The following GNAQ variants were observed in gnomAD, a reference collection of about 807,000 sequenced individuals.
The protein encoded by GNAQ is guanine nucleotide-binding protein G(q) subunit alpha.
In GNAQ, 8 loss-of-function variants were observed where a neutral mutation model predicts 43.9. The observed-to-expected ratio is 0.18, with a 90% CI of 0.11 to 0.33. The LOEUF is 0.33. GNAQ is among the 10% of genes least tolerant of loss of function. The pLI, the probability that GNAQ is intolerant of heterozygous loss-of-function variation, is 1.00. For synonymous variants in GNAQ, 155 were observed against 170.7 expected (o/e 0.91, Z 0.71); for missense variants, 158 against 450.8 (o/e 0.35, Z 5.88).
At chr9:77,876,473 G>C (rs905211085) in intron 2 of GNAQ, among the ~76,000 whole-genome samples, 5 of 152,220 alleles carry the variant, frequency 3.3e-5, no homozygotes, top group Admixed American at 1.3e-4. Context: ...AATGTACATA[G>C]AGCACTTGGC....
At chr9:77,981,167 G>A (rs143143820) in intron 1 of GNAQ, among the ~76,000 whole-genome samples, 162 of 152,002 alleles carry the variant, frequency 1.1e-3, no homozygotes, top group African/African-American at 3.8e-3. Flanking sequence ...TTATTTAATT[G>A]GCCTTTCCCT....
At chr9:77,861,618 C>T (rs1827853062) in intron 2 of GNAQ, among the ~76,000 whole-genome samples, 2 of 152,154 alleles carry the variant, frequency 1.3e-5, no homozygotes, top group South Asian at 4.1e-4. Flanking sequence ...ACAGGCCCCA[C>T]ACAAGTCCAA....
At chr9:77,890,691 C>A (rs1828391397) in intron 2 of GNAQ, among the ~76,000 whole-genome samples, 1 of 152,210 alleles carries the variant, frequency 6.6e-6, no homozygotes, top group South Asian at 2.1e-4. Flanking sequence ...CCATTGCACT[C>A]CAGGCTGGGC....
At chr9:77,747,344 G>C (rs1234812700) in intron 5 of GNAQ, among the ~76,000 whole-genome samples, 1 of 152,122 alleles carries the variant, frequency 6.6e-6, no homozygotes, top group Non-Finnish European at 1.5e-5. Context: ...AAATGTCACA[G>C]AGAAAACCAG....
intron 2 of GNAQ, among the ~76,000 whole-genome samples, chr9:77,818,207 G>A (rs1587930564): frequency 6.6e-6 from 1 of 152,134 alleles, no homozygotes; most frequent in Middle Eastern, 3.4e-3. Context: ...CCTTCACCTA[G>A]GTTGGAATTT....
chr9:77,785,643 G>A (rs1826465048), intron 5 of GNAQ, among the ~76,000 whole-genome samples: 1 of 152,110 alleles, frequency 6.6e-6, no homozygotes, highest in South Asian at 2.1e-4. Context: ...ACATGTATAT[G>A]CCAATAAAAA....
rs1168333306 is a variant in GNAQ at position 77,719,935 on chromosome 9, A to C, written c.*1388T>G. 4.3e-6 allele frequency: 1 copy of C among 232,326 alleles called. No individual in the cohort carries two copies. The highest frequency in any genetic ancestry group is 8.5e-6 in the Non-Finnish European group (1 of 117,572). The allele number at this position is 232,326 out of a possible 1,614,324, so 14.4% of individuals were successfully genotyped here. A position where few individuals can be genotyped will look rare whatever the true frequency, so the allele number is the denominator to read the frequency against. On this transcript the variant is annotated 3_prime_UTR_variant, in exon 7 of 7. Transcript: ENST00000286548. Reference sequence around the variant, plus strand: ...AAGGTGGTAAACTAGCAGGAACTTCAGATTTTGGAAATTAAAGGTGTCGGA... The same window carrying C: ...AAGGTGGTAAACTAGCAGGAACTTCCGATTTTGGAAATTAAAGGTGTCGGA...
chr9:77,982,419 G>A (rs904589721), intron 1 of GNAQ, among the ~76,000 whole-genome samples: 2 of 152,136 alleles, frequency 1.3e-5, no homozygotes, highest in African/African-American at 4.8e-5. Context: ...TGGGAATAAT[G>A]TTATAGGCTT....
intron 2 of GNAQ, among the ~76,000 whole-genome samples, chr9:77,835,977 G>A (rs535256380): frequency 8.5e-5 from 13 of 152,208 alleles, no homozygotes; most frequent in Non-Finnish European, 1.8e-4. Flanking sequence ...AGGCTTTCTA[G>A]TAAGATGATT....
chr9:77,909,016 T>C (rs749773053), intron 2 of GNAQ, among the ~76,000 whole-genome samples: 2 of 152,324 alleles, frequency 1.3e-5, no homozygotes, highest in East Asian at 3.9e-4. Context: ...CTTCTGTGCA[T>C]ATGAGAATAA....
At chr9:77,793,640 C>A (rs1235055288) in intron 5 of GNAQ, among the ~76,000 whole-genome samples, 1 of 152,060 alleles carries the variant, frequency 6.6e-6, no homozygotes, top group African/African-American at 2.4e-5. Flanking sequence ...TTATTATTAA[C>A]CTACCACACT....
chr9:77,736,514 T>A (rs1463917118), intron 5 of GNAQ, among the ~76,000 whole-genome samples: 1 of 152,192 alleles, frequency 6.6e-6, no homozygotes, highest in Non-Finnish European at 1.5e-5. Context: ...ATGTTATAGT[T>A]TCTGCATATG....
At chr9:77,930,674 A>C (rs1026195010) in intron 1 of GNAQ, among the ~76,000 whole-genome samples, 1 of 152,196 alleles carries the variant, frequency 6.6e-6, no homozygotes, top group African/African-American at 2.4e-5. Context: ...TTACTAAAAA[A>C]CTTTTTCTCA....
Position 77,721,531 on chromosome 9 carries a change from A to G in GNAQ, c.890-18T>C, listed in dbSNP as rs1825313076. The G allele has an allele frequency of 1.3e-6, 2 of 1,511,282 alleles. No homozygotes were observed. Among genetic ancestry groups the G allele is most frequent in the African/African-American group, 1.4e-5 (1 of 72,496 alleles). 93.6% of individuals were successfully genotyped at this position (1,511,282 alleles called of 1,614,324 possible). A position where few individuals can be genotyped will look rare whatever the true frequency, so the allele number is the denominator to read the frequency against. ...CTGGGGTCCTTTCGGCCAAGAGACA[A>G]GAGGGACACTTTGTTACCTAATCTG... On this transcript the variant is annotated intron_variant, in intron 6 of 6. Transcript: ENST00000286548.
chr9:78,003,635 C>A (rs1443116412), intron 1 of GNAQ, among the ~76,000 whole-genome samples: 4 of 151,904 alleles, frequency 2.6e-5, no homozygotes. Context: ...GGCAACATGG[C>A]GAAACCCCTT....
rs1303380697 is a variant in GNAQ at position 77,720,975 on chromosome 9, T to C, written c.*348A>G. ...GGGGAAGAAAAAAGGGAAATCAGCT[T>C]TGTTTTGCTCCATAGAAAAGAAAAA... On this transcript the variant is annotated 3_prime_UTR_variant, in exon 7 of 7. Coordinates refer to ENST00000286548, the MANE Select transcript of GNAQ (RefSeq NM_002072.5). 7.9e-6 allele frequency: 2 copies of C among 252,460 alleles called. No homozygotes were observed. Among genetic ancestry groups the C allele is most frequent in the Admixed American group, 5.3e-5 (1 of 18,852 alleles). The allele number at this position is 252,460 out of a possible 1,614,324, so 15.6% of individuals were successfully genotyped here. A position where few individuals can be genotyped will look rare whatever the true frequency, so the allele number is the denominator to read the frequency against.
intron 3 of GNAQ, among the ~76,000 whole-genome samples, chr9:77,811,322 C>A (rs1826919693): frequency 9.9e-6 from 1 of 100,860 alleles, no homozygotes; most frequent in Non-Finnish European, 2.7e-5. Flanking sequence ...ATGAAGATAT[C>A]TTTATAAAGA....
chr9:78,029,930 T>C (rs549677789), intron 1 of GNAQ, among the ~76,000 whole-genome samples: 1 of 152,352 alleles, frequency 6.6e-6, no homozygotes, highest in East Asian at 1.9e-4. Flanking sequence ...CCTGCCACAG[T>C]AGCTCAGGGT....
intron 3 of GNAQ, among the ~76,000 whole-genome samples, chr9:77,812,457 G>C (rs781626088): frequency 1.2e-4 from 19 of 152,168 alleles, no homozygotes; most frequent in Admixed American, 5.2e-4. Context: ...CTAGTTTAGA[G>C]TAAATCAATG....
Sources: gnomAD v4.1 joint callset for allele counts (sites outside exome capture counted in the v4.1 genomes callset) on GRCh38, gnomAD v4.1.1 for gene constraint, MANE v1.5 for transcripts, NCBI Gene and HGNC (gene_info 2026-07-23, HGNC 2026-07-21) for gene names.